The following NBAS variants were observed in gnomAD, a reference collection of about 807,000 sequenced individuals.
The protein encoded by NBAS is NBAS subunit of NRZ tethering complex.
NBAS carries 219 observed loss-of-function variants against 302.5 expected under a neutral mutation model. The ratio of observed to expected loss-of-function variants is 0.72; its 90% CI spans 0.65 to 0.81. The LOEUF (loss-of-function observed/expected upper bound fraction) is 0.81. Ranked by LOEUF, NBAS falls within the 30% of genes least tolerant of loss-of-function variation. The pLI is 0.00. For missense variants in NBAS, 2,932 were observed against 2,841.6 expected (o/e 1.03, Z -0.72); for synonymous variants, 1,118 against 1,021.6 (o/e 1.09, Z -1.80).
intron 40 of NBAS, among the ~76,000 whole-genome samples, chr2:15,307,488 T>G (rs1269992012): frequency 6.6e-6 from 1 of 152,160 alleles, no homozygotes; most frequent in African/African-American, 2.4e-5. Context: ...GACCTTGGAT[T>G]TATGTACACA....
chr2:15,496,906 G>A (rs1202198036), intron 11 of NBAS, among the ~76,000 whole-genome samples: 2 of 152,148 alleles, frequency 1.3e-5, no homozygotes, highest in Non-Finnish European at 2.9e-5. Context: ...AGTGCTCTAA[G>A]AGAGAATAAC....
chr2:15,539,794 G>A (rs1341265834), intron 6 of NBAS, among the ~76,000 whole-genome samples: 1 of 151,760 alleles, frequency 6.6e-6, no homozygotes. Context: ...AAATATAGAA[G>A]CCAAGATACA....
intron 38 of NBAS, among the ~76,000 whole-genome samples, chr2:15,312,593 A>T (rs538369177): frequency 6.6e-6 from 1 of 152,184 alleles, no homozygotes; most frequent in East Asian, 1.9e-4. Flanking sequence ...CTATCCTTAA[A>T]TTCAGCTGGT....
the NBAS span, among the ~76,000 whole-genome samples, chr2:14,947,882 G>T: frequency 6.6e-6 from 1 of 151,726 alleles, no homozygotes; most frequent in Non-Finnish European, 1.5e-5. Context: ...AAGATCATAT[G>T]GTTTTTGTTC....
At chr2:15,305,179 C>T (rs1670972492) in intron 40 of NBAS, among the ~76,000 whole-genome samples, 1 of 152,036 alleles carries the variant, frequency 6.6e-6, no homozygotes, top group Admixed American at 6.6e-5. Flanking sequence ...CCCCATAATC[C>T]CCAAGTGTCA....
At position 15,406,849 on chromosome 2, in the gene NBAS, AC is replaced by A. The variant is rs1259122384; in HGVS notation, c.2938-4549del. On this transcript the variant is annotated intron_variant, in intron 25 of 51. Transcript: ENST00000281513. ...AAACAACACTGAAATACCATTTCTCACCTATCACATTGGCACAAATTTTAAA... is the reference window on the plus strand; with the variant it reads ...AAACAACACTGAAATACCATTTCTCACTATCACATTGGCACAAATTTTAAA... Among the ~76,000 whole-genome samples the A allele has an allele frequency of 3.9e-5, 6 of 152,320 alleles. No homozygotes were observed. The East Asian group carries it at 9.6e-4, about 24-fold the overall frequency.
chr2:15,527,746 G>GA (rs1330537349), intron 9 of NBAS, among the ~76,000 whole-genome samples: 4 of 152,042 alleles, frequency 2.6e-5, no homozygotes, highest in Admixed American at 2.6e-4. Context: ...CATCAAAATA[G>GA]AAAAAAATTA....
chr2:15,451,727 A>G (rs1488735349), intron 21 of NBAS, among the ~76,000 whole-genome samples: 21 of 152,162 alleles, frequency 1.4e-4, no homozygotes. Flanking sequence ...ATTCAAATCC[A>G]CAAGAGTAAA....
At chr2:15,476,307 A>G (rs1161740767) in intron 13 of NBAS, among the ~76,000 whole-genome samples, 4 of 152,082 alleles carry the variant, frequency 2.6e-5, no homozygotes, top group African/African-American at 9.7e-5. Flanking sequence ...AGAGAAATAC[A>G]CCCTTTAGAA....
chr2:15,548,046 C>T (rs932229508), intron 6 of NBAS, among the ~76,000 whole-genome samples: 4 of 152,086 alleles, frequency 2.6e-5, no homozygotes, highest in African/African-American at 9.7e-5. Flanking sequence ...ACATGGATCT[C>T]TATAATATGT....
the NBAS span, among the ~76,000 whole-genome samples, chr2:15,098,972 T>TAC: frequency 3.4e-4 from 51 of 151,466 alleles, no homozygotes; most frequent in African/African-American, 1.2e-3. Flanking sequence ...CACATATATA[T>TAC]ATACACACAC....
chr2:15,105,961 T>C, the NBAS span, among the ~76,000 whole-genome samples: 2 of 152,248 alleles, frequency 1.3e-5, no homozygotes, highest in Admixed American at 6.5e-5. Flanking sequence ...TCTGTCCAAA[T>C]TGAATTTACT....
At chr2:15,519,954 T>C (rs925389202) in intron 9 of NBAS, among the ~76,000 whole-genome samples, 5 of 152,234 alleles carry the variant, frequency 3.3e-5, no homozygotes, top group Non-Finnish European at 7.3e-5. Context: ...ATTGAATGAT[T>C]AATTATTAAA....
intron 44 of NBAS, among the ~76,000 whole-genome samples, chr2:15,258,873 C>T (rs971573009): frequency 3.3e-5 from 5 of 152,194 alleles, no homozygotes; most frequent in African/African-American, 1.2e-4. Context: ...TTCATACAAC[C>T]CGTCCCCTTT....
At chr2:15,261,707 T>G (rs1668861956) in intron 44 of NBAS, among the ~76,000 whole-genome samples, 2 of 152,272 alleles carry the variant, frequency 1.3e-5, no homozygotes, top group South Asian at 4.1e-4. Flanking sequence ...TTTATCTTCA[T>G]GGAGAGGGGC....
At chr2:15,381,663 G>T (rs977574956) in intron 29 of NBAS, among the ~76,000 whole-genome samples, 28 of 152,156 alleles carry the variant, frequency 1.8e-4, no homozygotes, top group South Asian at 4.1e-4. Flanking sequence ...TGACAGTTGG[G>T]TTTTAGATCT....
intron 47 of NBAS, among the ~76,000 whole-genome samples, chr2:15,222,028 G>A (rs1666969313): frequency 6.6e-6 from 1 of 152,112 alleles, no homozygotes; most frequent in African/African-American, 2.4e-5. Context: ...TATTGGAGAT[G>A]GATAACAACA....
intron 31 of NBAS, among the ~76,000 whole-genome samples, chr2:15,374,092 A>G (rs879797583): frequency 2.6e-5 from 4 of 152,244 alleles, no homozygotes; most frequent in Non-Finnish European, 5.9e-5. Flanking sequence ...AAATAAAAGA[A>G]GTTGAGTAAT....
the NBAS span, among the ~76,000 whole-genome samples, chr2:15,137,966 A>C: frequency 8.5e-5 from 13 of 152,220 alleles, no homozygotes; most frequent in East Asian, 2.1e-3. Context: ...TCTACTCATC[A>C]AGAGCCCGAA....
Sources: gnomAD v4.1 joint callset for allele counts (sites outside exome capture counted in the v4.1 genomes callset) on GRCh38, gnomAD v4.1.1 for gene constraint, MANE v1.5 for transcripts, NCBI Gene and HGNC (gene_info 2026-07-23, HGNC 2026-07-21) for gene names.